Variants in SERPINB8 observed in about 807,000 individuals in gnomAD.
SERPINB8 encodes the protein serpin family B member 8.
A neutral mutation model predicts 35.3 loss-of-function variants in SERPINB8; 25 were observed. That is an observed-to-expected ratio of 0.71 (90% CI 0.52 to 0.99). SERPINB8 has a LOEUF of 0.99. SERPINB8 is among the 50% of genes least tolerant of loss of function. The probability of loss-of-function intolerance (pLI) is 0.00; values close to 1 mark genes in which losing one functional copy is unlikely to be tolerated. For missense variants in SERPINB8, 484 were observed against 446.5 expected (o/e 1.08, Z -0.76); for synonymous variants, 186 against 160.8 (o/e 1.16, Z -1.19).
chr18:63,982,694 A>G (rs1249493726), intron 4 of SERPINB8, among the ~76,000 whole-genome samples: 1 of 152,166 alleles, frequency 6.6e-6, no homozygotes, highest in African/African-American at 2.4e-5. Flanking sequence ...CAGTTGTTCA[A>G]CAGTACTGTC....
downstream of SERPINB8, among the ~76,000 whole-genome samples, chr18:64,009,086 A>G (rs999126050): frequency 1.3e-5 from 2 of 152,238 alleles, no homozygotes; most frequent in Non-Finnish European, 1.5e-5. Flanking sequence ...GAATGTCATT[A>G]AATTTGCACT....
intron 7 of SERPINB8, among the ~76,000 whole-genome samples, chr18:64,017,531 C>T (rs2050956208): frequency 1.3e-5 from 2 of 152,276 alleles, no homozygotes; most frequent in Admixed American, 1.3e-4. Flanking sequence ...ATGCTAGGCA[C>T]TGTATTAATA....
chr18:64,017,676 G>T (rs757541998), intron 7 of SERPINB8, among the ~76,000 whole-genome samples: 3 of 152,120 alleles, frequency 2.0e-5, no homozygotes, highest in Non-Finnish European at 4.4e-5. Flanking sequence ...CTAATAAGGA[G>T]CAAAGAAAGA....
chr18:63,987,213 C>G lies in SERPINB8; in HGVS notation c.1060C>G (p.Leu354Val). Residue 354 changes from leucine (L) to valine (V), a missense_variant, in exon 7 of 7, where the codon CTT becomes GTT. Coordinates refer to ENST00000397985, the MANE Select transcript of SERPINB8 (RefSeq NM_002640.4). ...EPRFCADHPF[L>V]FFIRHHKTNC... is the part of the protein sequence containing the mutation. ...AAGATTCTGTGCAGACCACCCTTTT[C>G]TTTTCTTCATCAGGCACCACAAAAC... 8.7e-6 allele frequency: 14 copies of G among 1,614,180 alleles called. No individual in the cohort carries two copies. The highest frequency in any genetic ancestry group is 1.2e-5 in the Non-Finnish European group (14 of 1,180,024).
chr18:63,992,430 C>T (rs1042839655), downstream of SERPINB8, among the ~76,000 whole-genome samples: 1 of 152,124 alleles, frequency 6.6e-6, no homozygotes, highest in Non-Finnish European at 1.5e-5. Context: ...CTTTTAATAG[C>T]TGTAAAATCT....
In SERPINB8 at chr18:63,989,126, T is replaced by G. The variant is rs1326879321; in HGVS notation, c.*1848T>G. 1.6e-4 allele frequency: 24 copies of G among 152,244 alleles called. No homozygotes were observed. The allele number at this position is 152,244 out of a possible 1,614,324, so 9.4% of individuals were successfully genotyped here. On this transcript the variant is annotated 3_prime_UTR_variant, in exon 7 of 7. Transcript: ENST00000397985. ...GATTAATTTGCATTTTTAAAGAAAT[T>G]TACATACATGGAACCATACATCATC...
In SERPINB8 at chr18:63,978,496, A is replaced by G; in HGVS notation, c.168+20A>G. ...TCCCAGGTATGTGTGCTTGTCACAAAGGAAGGAGAACAGTGTGTTTCCCTT... is the reference window on the plus strand; with the variant it reads ...TCCCAGGTATGTGTGCTTGTCACAAGGGAAGGAGAACAGTGTGTTTCCCTT... On this transcript the variant is annotated intron_variant, in intron 2 of 6. Coordinates refer to ENST00000397985, the MANE Select transcript of SERPINB8 (RefSeq NM_002640.4). 1 of 1,613,110 alleles carries G rather than the reference A, an allele frequency of 6.2e-7. No homozygotes were observed. Among genetic ancestry groups the G allele is most frequent in the Non-Finnish European group, 8.5e-7 (1 of 1,179,336 alleles).
chr18:64,013,538 G>A (rs1308769572), intron 7 of SERPINB8, among the ~76,000 whole-genome samples: 1 of 152,112 alleles, frequency 6.6e-6, no homozygotes, highest in Admixed American at 6.5e-5. Context: ...TGCTATTTAT[G>A]GATTGTCTCC....
At chr18:63,986,798 G>T in intron 6 of SERPINB8, 76 bp from the exon 7 acceptor site, 2 of 1,423,178 alleles carry the variant, frequency 1.4e-6, no homozygotes. Context: ...GTCATTGGGG[G>T]AGGGGTAATA....
downstream of SERPINB8, among the ~76,000 whole-genome samples, chr18:64,008,816 T>A (rs1357822125): frequency 6.6e-6 from 1 of 152,188 alleles, no homozygotes; most frequent in Non-Finnish European, 1.5e-5. Flanking sequence ...GGTCAGATTC[T>A]GGGGTTCAAA....
At chr18:64,000,871 T>C (rs915883723) in intron 1 of SERPINB8, among the ~76,000 whole-genome samples, 1 of 152,230 alleles carries the variant, frequency 6.6e-6, no homozygotes, top group African/African-American at 2.4e-5. Context: ...ACCTGGCAGC[T>C]CTCTCTAACA....
chr18:63,993,815 C>A (rs2144835120), downstream of SERPINB8, among the ~76,000 whole-genome samples: 1 of 152,324 alleles, frequency 6.6e-6, no homozygotes, highest in Middle Eastern at 3.4e-3. Context: ...ATTGAAGTGT[C>A]CAGTGGGAGC....
downstream of SERPINB8, among the ~76,000 whole-genome samples, chr18:64,008,543 C>A (rs1302592705): frequency 6.6e-6 from 1 of 151,982 alleles, no homozygotes; most frequent in Non-Finnish European, 1.5e-5. Flanking sequence ...GCCACCATGC[C>A]TGGCCCATTA....
At position 63,988,276 on chromosome 18, in the gene SERPINB8, T is replaced by C. The variant is rs938305549; in HGVS notation, c.*998T>C. Reference sequence around the variant, plus strand: ...CTTCAGTAGCTTATTTCTTCCCTTATGAAAAACCTCCCTTAAGATCTTTCC... The same window carrying C: ...CTTCAGTAGCTTATTTCTTCCCTTACGAAAAACCTCCCTTAAGATCTTTCC... On this transcript the variant is annotated 3_prime_UTR_variant, in exon 7 of 7. Transcript: ENST00000397985. 6.6e-6 allele frequency: 1 copy of C among 152,196 alleles called. No homozygotes were observed. Among genetic ancestry groups the C allele is most frequent in the African/African-American group, 2.4e-5 (1 of 41,454 alleles). The allele number at this position is 152,196 out of a possible 1,614,324, so 9.4% of individuals were successfully genotyped here.
intron 1 of SERPINB8, among the ~76,000 whole-genome samples, chr18:63,976,195 G>A (rs2050579247): frequency 6.6e-6 from 1 of 152,158 alleles, no homozygotes; most frequent in African/African-American, 2.4e-5. Flanking sequence ...TGAGATTATA[G>A]ATAATGATTT....
downstream of SERPINB8, among the ~76,000 whole-genome samples, chr18:63,994,102 C>G (rs1255150468): frequency 1.3e-5 from 2 of 152,044 alleles, no homozygotes; most frequent in Non-Finnish European, 2.9e-5. Flanking sequence ...CACAAAATGG[C>G]AGGAACCTTG....
chr18:63,970,722 T>G (rs1041173589), intron 1 of SERPINB8, among the ~76,000 whole-genome samples: 6 of 152,168 alleles, frequency 3.9e-5, no homozygotes, highest in Non-Finnish European at 8.8e-5. Context: ...CCTGCTCCCC[T>G]GGCGCCCAAG....
chr18:63,973,780 A>G (rs1173521837), intron 1 of SERPINB8, among the ~76,000 whole-genome samples: 1 of 152,186 alleles, frequency 6.6e-6, no homozygotes, highest in Non-Finnish European at 1.5e-5. Context: ...CCGGTTTGTC[A>G]AAGATCAGAT....
At chr18:64,014,442 G>C (rs1299915356) in intron 7 of SERPINB8, among the ~76,000 whole-genome samples, 1 of 152,054 alleles carries the variant, frequency 6.6e-6, no homozygotes, top group African/African-American at 2.4e-5. Flanking sequence ...CTCATAGCTG[G>C]GTATGAAGCT....
Sources: gnomAD v4.1 joint callset for allele counts (sites outside exome capture counted in the v4.1 genomes callset) on GRCh38, gnomAD v4.1.1 for gene constraint, MANE v1.5 for transcripts, NCBI Gene and HGNC (gene_info 2026-07-23, HGNC 2026-07-21) for gene names.